AGAP6: variants seen among roughly 807,000 people sequenced by gnomAD.
AGAP6 encodes the protein ArfGAP with GTPase domain, ankyrin repeat and PH domain 6.
A neutral mutation model predicts 63.9 loss-of-function variants in AGAP6; 29 were observed. That is an observed-to-expected ratio of 0.45 (90% CI 0.34 to 0.62). The LOEUF (loss-of-function observed/expected upper bound fraction) is 0.62. AGAP6 is among the 20% of genes least tolerant of loss of function. AGAP6 has a pLI of 0.01. For missense variants in AGAP6, 493 were observed against 884.9 expected, an observed-to-expected ratio of 0.56 and a Z score of 5.62; for synonymous variants, 199 against 332.9, an observed-to-expected ratio of 0.60 and a Z score of 4.38.
intron 5 of AGAP6, among the ~76,000 whole-genome samples, chr10:50,003,050 GCTT>G (rs1300670121): frequency 9.9e-5 from 15 of 151,552 alleles, no homozygotes; most frequent in African/African-American, 3.4e-4. Flanking sequence ...AGAGTCCCTG[GCTT>G]CTTCTGAGTT....
At chr10:49,999,266 G>GAA (rs1554862592) in intron 4 of AGAP6, among the ~76,000 whole-genome samples, 11 of 135,676 alleles carry the variant, frequency 8.1e-5, no homozygotes, top group African/African-American at 3.1e-4. Context: ...AATCCACCAT[G>GAA]ATCAAATGGG....
intron 7 of AGAP6, 83 bp downstream of exon 7, chr10:50,008,159 A>C: frequency 6.2e-7 from 1 of 1,609,948 alleles, no homozygotes. Context: ...TCTTTTTTTA[A>C]ATCTTCCCCA....
chr10:49,999,958 ATT>A (rs1554862678), intron 4 of AGAP6, among the ~76,000 whole-genome samples: 1 of 140,894 alleles, frequency 7.1e-6, no homozygotes, highest in Non-Finnish European at 1.5e-5. Flanking sequence ...CAACTTTAGT[ATT>A]TTTAATGGGT....
chr10:50,008,050 C>A lies in AGAP6; in HGVS notation c.559C>A (p.Pro187Thr). The A allele has an allele frequency of 6.2e-7, 1 of 1,611,918 alleles. No homozygotes were observed. Among genetic ancestry groups the A allele is most frequent in the Non-Finnish European group, 8.5e-7 (1 of 1,179,838 alleles). Residue 187 changes from proline to threonine, a missense_variant, in exon 7 of 8, where the codon CCT becomes ACT. Pro to Thr is a conservative substitution (Grantham distance 38, BLOSUM62 -1). This residue lies in a region of AGAP6 where 342 missense variants were observed against 533.4 expected (regional missense o/e 0.64). Coordinates refer to ENST00000412531, the MANE Select transcript of AGAP6 (RefSeq NM_001077665.3). Reference protein sequence around the residue: ...QRDADRTLSIPDEQLHSFAVS... With the variant: ...QRDADRTLSITDEQLHSFAVS... ...AGATGCAGATAGAACTTTGAGCATA[C>A]CTGATGAACAGTTACACTCATTTGC...
intron 4 of AGAP6, among the ~76,000 whole-genome samples, chr10:50,001,331 A>G (rs1274656466): frequency 1.8e-4 from 27 of 149,228 alleles, no homozygotes; most frequent in Admixed American, 1.1e-3. Context: ...CTCCGTCTCA[A>G]AAATAAATAA....
At chr10:50,007,092 A>G (rs1195540734) in intron 6 of AGAP6, among the ~76,000 whole-genome samples, 2 of 151,878 alleles carry the variant, frequency 1.3e-5, no homozygotes, top group African/African-American at 4.8e-5. Context: ...TTTAATTAGT[A>G]TGATTCAGAA....
At chr10:50,003,906 A>G (rs1245245212) in intron 5 of AGAP6, among the ~76,000 whole-genome samples, 1 of 152,258 alleles carries the variant, frequency 6.6e-6, no homozygotes, top group Non-Finnish European at 1.5e-5. Context: ...AAACTACTTG[A>G]AGCACTATAG....
At chr10:50,007,941 C>T in intron 6 of AGAP6, 84 bp from the exon 7 acceptor site, 1 of 1,607,570 alleles carries the variant, frequency 6.2e-7, no homozygotes, top group Non-Finnish European at 8.5e-7. Flanking sequence ...AACACCAAAG[C>T]ACACAGGAGG....
chr10:50,005,897 G>A (rs1345497429), intron 6 of AGAP6, among the ~76,000 whole-genome samples: 1 of 147,024 alleles, frequency 6.8e-6, no homozygotes, highest in Non-Finnish European at 1.5e-5. Context: ...CCCAGCCTGG[G>A]TGACAGAGAG....
At chr10:49,990,407 T>A (rs1276631961) in intron 2 of AGAP6, among the ~76,000 whole-genome samples, 2 of 152,186 alleles carry the variant, frequency 1.3e-5, no homozygotes, top group Non-Finnish European at 2.9e-5. Context: ...ATCACGCCAA[T>A]GCACTCCAGC....
At chr10:49,998,038 A>T (rs1841563608) in intron 4 of AGAP6, among the ~76,000 whole-genome samples, 1 of 133,940 alleles carries the variant, frequency 7.5e-6, no homozygotes, top group Admixed American at 8.8e-5. Flanking sequence ...CGGTTTCTTT[A>T]TCCACTCATT....
Position 50,010,467 on chromosome 10 carries a change from A to T in AGAP6, c.*281A>T, listed in dbSNP as rs1358131547. The stretch of plus-strand genomic sequence containing the variant: ...GTATTTAGATAAAATGTGTGAAAAC[A>T]TATTTGAAATAAAGTTCATAAATAT... On this transcript the variant is annotated 3_prime_UTR_variant, in exon 8 of 8. Transcript: ENST00000412531. 1.4e-6 allele frequency: 1 copy of T among 739,994 alleles called. No individual in the cohort carries two copies. The highest frequency in any genetic ancestry group is 2.1e-6 in the Non-Finnish European group (1 of 465,852). 45.8% of individuals were successfully genotyped at this position (739,994 alleles called of 1,614,324 possible).
chr10:49,988,811 T>C lies in AGAP6; in HGVS notation c.96T>C (p.Tyr32=). 1.3e-6 allele frequency: 2 copies of C among 1,597,404 alleles called. No individual in the cohort carries two copies. The highest frequency in any genetic ancestry group is 1.7e-6 in the Non-Finnish European group (2 of 1,179,486). Residue 32 remains tyrosine, a synonymous_variant, in exon 1 of 8, where the codon TAT becomes TAC. Transcript: ENST00000412531. ...TGTGTCCCTCTGAATCTGAGACCTA[T>C]GAGGCAGGAGCTAGGGACAGGATGG... ...GSVCPSESET[Y]EAGARDRMAG...
chr10:49,999,366 A>C (rs1307159733), intron 4 of AGAP6, among the ~76,000 whole-genome samples: 7 of 138,352 alleles, frequency 5.1e-5, no homozygotes, highest in Non-Finnish European at 1.1e-4. Flanking sequence ...AAAAAATCAC[A>C]TGATCATCTA....
At position 50,006,129 on chromosome 10, in the gene AGAP6, G is replaced by A. The variant is rs535954456; in HGVS notation, c.533+1409G>A. On this transcript the variant is annotated intron_variant, in intron 6 of 7. Transcript: ENST00000412531. ...AGTACTCATTGATCTTTCTTGCACA[G>A]TAAATGGATCTTTTGCTCCATACTT... Among the ~76,000 whole-genome samples, 5 of 152,150 alleles carry A rather than the reference G, an allele frequency of 3.3e-5. No individual in the cohort carries two copies. The East Asian group carries it at 9.7e-4, about 29-fold the overall frequency.
Position 49,992,669 on chromosome 10 carries a change from G to A in AGAP6, c.361+925G>A, listed in dbSNP as rs1841326717. Among the ~76,000 whole-genome samples, 6 of 152,086 alleles carry A rather than the reference G, an allele frequency of 3.9e-5. No individual in the cohort carries two copies. The South Asian group carries it at 1.2e-3, about 32-fold the overall frequency. Reference sequence around the variant, plus strand: ...ACATCTGCTTCTGGTGAGGGCCTCAGCAAACTTATAATCATGATAAAAGGC... The same window carrying A: ...ACATCTGCTTCTGGTGAGGGCCTCAACAAACTTATAATCATGATAAAAGGC... On this transcript the variant is annotated intron_variant, in intron 3 of 7. Transcript: ENST00000412531.
At chr10:49,997,704 T>C (rs1841543058) in intron 4 of AGAP6, among the ~76,000 whole-genome samples, 1 of 151,920 alleles carries the variant, frequency 6.6e-6, no homozygotes, top group South Asian at 2.1e-4. Context: ...TCTTTAGTGA[T>C]GATTTGTGAG....
At chr10:50,001,870 C>G (rs541843958) in intron 4 of AGAP6, 126 bp from the exon 5 acceptor site, 1 of 887,256 alleles carries the variant, frequency 1.1e-6, no homozygotes, top group African/African-American at 1.7e-5. Context: ...CTATAGAGTG[C>G]ACATGATACC....
intron 3 of AGAP6, among the ~76,000 whole-genome samples, 179 bp from the exon 4 acceptor site, chr10:49,994,216 T>C (rs1554861581): frequency 6.6e-6 from 1 of 152,186 alleles, no homozygotes; most frequent in Non-Finnish European, 1.5e-5. Context: ...AGCTAAGTTT[T>C]TAGATTTGAC....
Sources: gnomAD v4.1 joint callset for allele counts (sites outside exome capture counted in the v4.1 genomes callset) on GRCh38, gnomAD v4.1.1 for gene constraint, gnomAD v4.1.1 regional missense constraint, MANE v1.5 for transcripts, NCBI Gene and HGNC (gene_info 2026-07-23, HGNC 2026-07-21) for gene names.